The following GKAP1 variants were observed in gnomAD, a reference collection of about 807,000 sequenced individuals.
GKAP1 encodes the protein G kinase-anchoring protein 1.
Under a neutral mutation model 56.7 loss-of-function variants are expected in GKAP1, and 31 were observed. The observed-to-expected ratio is 0.55, with a 90% CI of 0.41 to 0.74. GKAP1 has a LOEUF of 0.74. Among genes scored for constraint, GKAP1 ranks in the 30% least tolerant of loss-of-function variants. The pLI is 0.00. For synonymous variants in GKAP1, 151 were observed against 138.6 expected (o/e 1.09, Z -0.63); for missense variants, 364 against 402.3 (o/e 0.90, Z 0.82).
At chr9:83,772,286 A>G (rs1943776174) in intron 7 of GKAP1, among the ~76,000 whole-genome samples, 1 of 152,198 alleles carries the variant, frequency 6.6e-6, no homozygotes, top group Non-Finnish European at 1.5e-5. Context: ...GAATCTAGAT[A>G]TGAGCCTTCA....
intron 6 of GKAP1, among the ~76,000 whole-genome samples, chr9:83,782,001 G>A (rs965489129): frequency 6.6e-6 from 1 of 151,734 alleles, no homozygotes; most frequent in East Asian, 1.9e-4. Flanking sequence ...GTGCCACCAT[G>A]CCCAGCTAAT....
At chr9:83,752,287 G>A (rs1386779379) in intron 9 of GKAP1, among the ~76,000 whole-genome samples, 3 of 152,052 alleles carry the variant, frequency 2.0e-5, no homozygotes, top group African/African-American at 4.8e-5. Context: ...ATGGTGGCAC[G>A]TGCCTGTAGT....
intron 7 of GKAP1, among the ~76,000 whole-genome samples, chr9:83,773,315 C>T (rs1253890850): frequency 1.3e-5 from 2 of 152,070 alleles, no homozygotes; most frequent in Admixed American, 1.3e-4. Flanking sequence ...TTACAAGAAA[C>T]TGCAAATCTC....
At chr9:83,786,184 C>T (rs11792634) in intron 5 of GKAP1, among the ~76,000 whole-genome samples, 49,298 of 152,108 alleles carry the variant, frequency 0.32, 8,753 homozygotes, top group Admixed American at 0.48. Context: ...CCCTCCACTA[C>T]ACTCAAGGGG....
At chr9:83,766,667 A>G (rs7855177) in intron 8 of GKAP1, among the ~76,000 whole-genome samples, 119,668 of 152,150 alleles carry the variant, frequency 0.79, 47,314 homozygotes, top group East Asian at 1. Flanking sequence ...ATTGAAGAGA[A>G]GAAAAGATGG....
At position 83,746,829 on chromosome 9, in the gene GKAP1, C is replaced by G. The variant is rs550134477; in HGVS notation, c.904+1480G>C. Reference sequence around the variant, plus strand: ...TAGGGAGTAATGACAAGAAAAAAGTCTGCACATGTACAATTTCAACAAATA... The same window carrying G: ...TAGGGAGTAATGACAAGAAAAAAGTGTGCACATGTACAATTTCAACAAATA... On this transcript the variant is annotated intron_variant, in intron 10 of 12. Transcript: ENST00000376371. Among the ~76,000 whole-genome samples, 515 of 152,310 alleles carry G rather than the reference C, an allele frequency of 3.4e-3. 2 individuals are homozygous for G. The highest frequency in any genetic ancestry group is 5.7e-3 in the Non-Finnish European group (390 of 68,032).
chr9:83,752,453 G>A (rs756285771), intron 9 of GKAP1, among the ~76,000 whole-genome samples: 7 of 152,070 alleles, frequency 4.6e-5, no homozygotes, highest in Non-Finnish European at 7.4e-5. Flanking sequence ...ATTATGCTAA[G>A]TGAATACGCC....
chr9:83,759,972 T>C (rs1943541765), intron 8 of GKAP1, among the ~76,000 whole-genome samples: 1 of 152,190 alleles, frequency 6.6e-6, no homozygotes, highest in Non-Finnish European at 1.5e-5. Flanking sequence ...TATATTACAT[T>C]CCTCTATAAA....
chr9:83,814,091 C>T (rs144708099), intron 2 of GKAP1, among the ~76,000 whole-genome samples: 128 of 151,504 alleles, frequency 8.4e-4, no homozygotes, highest in African/African-American at 1.5e-3. Context: ...AGCCTGAGAC[C>T]CTTTGTCAAA....
chr9:83,739,563 C>A lies in GKAP1; in HGVS notation c.*134G>T. On this transcript the variant is annotated 3_prime_UTR_variant, in exon 13 of 13. Transcript: ENST00000376371. Reference sequence around the variant, plus strand: ...AGCCAAAAGAAATAAAATTATAGACCATTAGGGAGCTAGTTGCTTTTAGTT... The same window carrying A: ...AGCCAAAAGAAATAAAATTATAGACAATTAGGGAGCTAGTTGCTTTTAGTT... 1 of 534,472 alleles carries A rather than the reference C, an allele frequency of 1.9e-6. No individual in the cohort carries two copies. The highest frequency in any genetic ancestry group is 1.9e-5 in the African/African-American group (1 of 52,426). The allele number at this position is 534,472 out of a possible 1,614,324, so 33.1% of individuals were successfully genotyped here. A position where few individuals can be genotyped will look rare whatever the true frequency, so the allele number is the denominator to read the frequency against.
chr9:83,785,583 T>C (rs1944050807), intron 5 of GKAP1, among the ~76,000 whole-genome samples: 1 of 152,106 alleles, frequency 6.6e-6, no homozygotes. Flanking sequence ...AACCTCAGAG[T>C]ATCCTTGCCT....
intron 3 of GKAP1, among the ~76,000 whole-genome samples, chr9:83,804,434 C>A: frequency 8.3e-6 from 1 of 119,968 alleles, no homozygotes; most frequent in African/African-American, 3.2e-5. Flanking sequence ...CCACCCCGTC[C>A]GGGAGGTGAG....
intron 7 of GKAP1, among the ~76,000 whole-genome samples, chr9:83,779,549 GTGTATATGTGTATATATATACA>G (rs1943930275): frequency 1.6e-5 from 1 of 60,894 alleles, no homozygotes. Flanking sequence ...ATATATACAC[GTGTATATGTGTATATATATACA>G]CACATATATA....
chr9:83,800,443 C>T (rs1944314265), intron 3 of GKAP1, among the ~76,000 whole-genome samples: 1 of 151,446 alleles, frequency 6.6e-6, no homozygotes, highest in Non-Finnish European at 1.5e-5. Flanking sequence ...AAGCAATTCT[C>T]CTGCCTCAGC....
intron 7 of GKAP1, among the ~76,000 whole-genome samples, chr9:83,774,482 A>G (rs1943818194): frequency 6.6e-6 from 1 of 151,148 alleles, no homozygotes; most frequent in Admixed American, 6.6e-5. Context: ...ATGTGCCTGT[A>G]GTCCCAGCTG....
At chr9:83,798,570 G>A (rs1157613647) in intron 4 of GKAP1, among the ~76,000 whole-genome samples, 2 of 152,168 alleles carry the variant, frequency 1.3e-5, no homozygotes, top group Non-Finnish European at 2.9e-5. Context: ...AGGCTGGAGT[G>A]CAGTGACAAA....
intron 5 of GKAP1, among the ~76,000 whole-genome samples, chr9:83,785,737 A>G (rs898799943): frequency 2.6e-4 from 40 of 152,206 alleles, no homozygotes; most frequent in African/African-American, 9.6e-4. Flanking sequence ...ACAGTCTCCA[A>G]TTTTAGCTCC....
intron 5 of GKAP1, among the ~76,000 whole-genome samples, chr9:83,785,042 A>C (rs1025140129): frequency 2.7e-5 from 4 of 148,824 alleles, no homozygotes; most frequent in African/African-American, 1.0e-4. Context: ...AAATGAAAAC[A>C]AAAAAAGTCA....
rs546769670 is a variant in GKAP1 at position 83,773,691 on chromosome 9, G to C, written c.586-4721C>G. 3.9e-5 allele frequency among the ~76,000 whole-genome samples: 6 copies of C among 151,930 alleles called. No individual in the cohort carries two copies. In the South Asian group the frequency reaches 1.0e-3, roughly 26 times the overall value. The stretch of plus-strand genomic sequence containing the variant: ...TGTTGATCATTTCCATGTTTTTGTT[G>C]TTTTACAGATGCATCACTAAATAAT... On this transcript the variant is annotated intron_variant, in intron 7 of 12. Transcript: ENST00000376371.
Sources: allele counts gnomAD v4.1 joint callset (sites outside exome capture counted in the v4.1 genomes callset), GRCh38; gene constraint gnomAD v4.1.1; transcripts MANE v1.5; gene names NCBI Gene and HGNC (gene_info 2026-07-23, HGNC 2026-07-21).